Variants in CAST observed in about 807,000 individuals in gnomAD.
CAST encodes MIR583 host.
A neutral mutation model predicts 119.6 loss-of-function variants in CAST; 76 were observed. That is an observed-to-expected ratio of 0.64 (90% CI 0.53 to 0.77). The LOEUF is 0.77. CAST is among the 30% of genes least tolerant of loss of function. The probability of loss-of-function intolerance (pLI) is 0.00; values close to 1 mark genes in which losing one functional copy is unlikely to be tolerated. For synonymous variants in CAST, 319 were observed against 331.6 expected, an observed-to-expected ratio of 0.96 and a Z score of 0.41; for missense variants, 953 against 946.5, an observed-to-expected ratio of 1.01 and a Z score of -0.09.
the CAST span, among the ~76,000 whole-genome samples, chr5:96,313,740 C>T: frequency 6.6e-6 from 1 of 152,106 alleles, no homozygotes; most frequent in African/African-American, 2.4e-5. Flanking sequence ...AATATATAAA[C>T]ATTCAAGTTG....
the CAST span, chr5:96,318,379 A>T: frequency 6.6e-6 from 1 of 152,196 alleles, no homozygotes; most frequent in African/African-American, 2.4e-5. Context: ...TTGCCGATGT[A>T]TTGGCACACA....
At chr5:96,417,765 C>T in the CAST span, among the ~76,000 whole-genome samples, 1 of 152,190 alleles carries the variant, frequency 6.6e-6, no homozygotes, top group Non-Finnish European at 1.5e-5. Context: ...GCAACTGAAG[C>T]TGTCCTGACC....
At chr5:96,463,697 G>C in the CAST span, among the ~76,000 whole-genome samples, 1 of 152,018 alleles carries the variant, frequency 6.6e-6, no homozygotes, top group South Asian at 2.1e-4. Context: ...GATTAGTGGG[G>C]TATAGAAGGT....
At chr5:96,022,302 G>T in the CAST span, among the ~76,000 whole-genome samples, 1 of 151,880 alleles carries the variant, frequency 6.6e-6, no homozygotes, top group Admixed American at 6.6e-5. Context: ...AAGGATTATG[G>T]GTTCATATAA....
the CAST span, among the ~76,000 whole-genome samples, chr5:96,070,758 A>G: frequency 6.6e-6 from 1 of 152,234 alleles, no homozygotes; most frequent in African/African-American, 2.4e-5. Context: ...AATAGCAGAT[A>G]GGACTAGAGA....
At chr5:96,231,274 T>A in the CAST span, among the ~76,000 whole-genome samples, 3 of 152,166 alleles carry the variant, frequency 2.0e-5, no homozygotes, top group African/African-American at 7.2e-5. Context: ...ATGTTTTATG[T>A]CCATAGAATA....
chr5:96,665,650 A>G (rs993361121), intron 1 of CAST, among the ~76,000 whole-genome samples: 1 of 152,140 alleles, frequency 6.6e-6, no homozygotes, highest in Admixed American at 6.5e-5. Flanking sequence ...GCAGTTTCCA[A>G]TATAGCTTCA....
the CAST span, among the ~76,000 whole-genome samples, chr5:96,430,991 A>G: frequency 5.9e-5 from 9 of 152,300 alleles, no homozygotes; most frequent in Non-Finnish European, 1.2e-4. Flanking sequence ...AACAGGTGGG[A>G]AAAAGAAGAG....
the CAST span, chr5:96,421,993 T>TAA: frequency 1.1e-3 from 405 of 358,202 alleles, 7 homozygotes; most frequent in African/African-American, 6.3e-3. Context: ...GTGGCAGCAT[T>TAA]AAAAAAAAAA....
the CAST span, among the ~76,000 whole-genome samples, chr5:96,433,878 C>A: frequency 6.6e-6 from 1 of 152,206 alleles, no homozygotes; most frequent in East Asian, 1.9e-4. Flanking sequence ...CTCAGTAAAA[C>A]AATATCAGTA....
At chr5:96,454,649 C>G in the CAST span, among the ~76,000 whole-genome samples, 1 of 152,298 alleles carries the variant, frequency 6.6e-6, no homozygotes, top group Non-Finnish European at 1.5e-5. Flanking sequence ...AGACCCAGTT[C>G]CCTTCCTTGG....
the CAST span, among the ~76,000 whole-genome samples, chr5:96,365,668 A>G: frequency 1.3e-5 from 2 of 151,534 alleles, no homozygotes; most frequent in Non-Finnish European, 1.5e-5. Flanking sequence ...TTTGTTTTCC[A>G]TTTGCTTGGA....
the CAST span, among the ~76,000 whole-genome samples, chr5:96,172,790 A>G: frequency 1.3e-5 from 2 of 152,326 alleles, no homozygotes; most frequent in South Asian, 2.1e-4. Flanking sequence ...GAGCCAGAAC[A>G]TTGAGCTTAG....
the CAST span, among the ~76,000 whole-genome samples, chr5:96,233,479 TAAA>T: frequency 6.6e-6 from 1 of 152,178 alleles, no homozygotes; most frequent in East Asian, 1.9e-4. Context: ...AAAACAAAAA[TAAA>T]AAAATTGATT....
the CAST span, among the ~76,000 whole-genome samples, chr5:96,095,639 C>A: frequency 0.62 from 90,622 of 146,490 alleles, 27,736 homozygotes; most frequent in Middle Eastern, 0.69. Context: ...TGTGGCAAAT[C>A]ATCAACAATA....
At chr5:96,500,596 A>C in the CAST span, among the ~76,000 whole-genome samples, 105,902 of 152,042 alleles carry the variant, frequency 0.7, 39,107 homozygotes, top group South Asian at 0.85. Context: ...GGTTGGTCTC[A>C]GTTTCAGATA....
At chr5:96,456,812 G>A in the CAST span, among the ~76,000 whole-genome samples, 4 of 152,198 alleles carry the variant, frequency 2.6e-5, no homozygotes, top group Non-Finnish European at 5.9e-5. Flanking sequence ...ACCAGGTGGA[G>A]ATAACTGAAT....
chr5:96,607,895 G>A (rs1350773709), intron 1 of CAST, among the ~76,000 whole-genome samples: 1 of 152,126 alleles, frequency 6.6e-6, no homozygotes, highest in Middle Eastern at 3.2e-3. Context: ...TATACATTTT[G>A]TAATGATCAA....
chr5:96,647,741 C>T (rs1748034326), intron 1 of CAST, among the ~76,000 whole-genome samples: 1 of 152,154 alleles, frequency 6.6e-6, no homozygotes, highest in South Asian at 2.1e-4. Flanking sequence ...TACAAGCCTG[C>T]AGGGAGCTAG....
Sources: gnomAD v4.1 joint callset for allele counts (sites outside exome capture counted in the v4.1 genomes callset) on GRCh38, gnomAD v4.1.1 for gene constraint, MANE v1.5 for transcripts, NCBI Gene and HGNC (gene_info 2026-07-23, HGNC 2026-07-21) for gene names.